PXDNL: variants seen among roughly 807,000 people sequenced by gnomAD.
PXDNL encodes probable oxidoreductase PXDNL.
PXDNL carries 145 observed loss-of-function variants against 150.8 expected under a neutral mutation model. That is an observed-to-expected ratio of 0.96 (90% CI 0.84 to 1.10). PXDNL has a LOEUF of 1.10. Ranked by LOEUF, PXDNL falls within the 50% of genes least tolerant of loss-of-function variation. The pLI, the probability that PXDNL is intolerant of heterozygous loss-of-function variation, is 0.00. For missense variants in PXDNL, 2,087 were observed against 1,873.9 expected, an observed-to-expected ratio of 1.11 and a Z score of -2.10; for synonymous variants, 757 against 725.7, an observed-to-expected ratio of 1.04 and a Z score of -0.69.
intron 1 of PXDNL, among the ~76,000 whole-genome samples, chr8:51,808,503 G>A (rs2037701770): frequency 1.3e-5 from 2 of 152,050 alleles, no homozygotes; most frequent in Non-Finnish European, 2.9e-5. Flanking sequence ...TTTATTATCT[G>A]AATATTAAAG....
At chr8:51,377,665 G>A (rs571067848) in intron 17 of PXDNL, among the ~76,000 whole-genome samples, 2 of 152,350 alleles carry the variant, frequency 1.3e-5, no homozygotes, top group East Asian at 3.9e-4. Context: ...ACCTGGGCCA[G>A]CAGCTGCGGA....
rs74676456 is a variant in PXDNL, at chr8:51,429,970, A to G, written c.1526-3212T>C. On this transcript the variant is annotated intron_variant, in intron 12 of 22. Coordinates refer to ENST00000356297, the MANE Select transcript of PXDNL (RefSeq NM_144651.5). ...ATGGCTGATTGATGCCTGACAATGCATAATGGACATCTCATGAGAACCAGG... is the reference window on the plus strand; with the variant it reads ...ATGGCTGATTGATGCCTGACAATGCGTAATGGACATCTCATGAGAACCAGG... Among the ~76,000 whole-genome samples the G allele has an allele frequency of 2.2e-4, 34 of 152,322 alleles. No individual in the cohort carries two copies. In the East Asian group the frequency reaches 6.0e-3, roughly 27 times the overall value.
At chr8:51,684,271 G>A (rs796733739) in intron 1 of PXDNL, among the ~76,000 whole-genome samples, 59 of 152,292 alleles carry the variant, frequency 3.9e-4, no homozygotes, top group African/African-American at 1.3e-3. Flanking sequence ...GTTAAGACTA[G>A]GATTTACCAG....
rs570270606 is a variant in PXDNL, at chr8:51,617,717, T to A, written c.237-25019A>T. 2.0e-5 allele frequency among the ~76,000 whole-genome samples: 3 copies of A among 152,346 alleles called. No individual in the cohort carries two copies. The South Asian group carries it at 6.2e-4, about 32-fold the overall frequency. The stretch of plus-strand genomic sequence containing the variant: ...TTTTACAAAATGTCTGTAGCAAGTA[T>A]GCATTAATTTTGCATTAAAAAAGTG... On this transcript the variant is annotated intron_variant, in intron 2 of 22. Transcript: ENST00000356297.
intron 19 of PXDNL, among the ~76,000 whole-genome samples, chr8:51,365,709 C>T (rs1213301401): frequency 1.3e-5 from 2 of 152,174 alleles, no homozygotes; most frequent in Non-Finnish European, 2.9e-5. Context: ...GAGTGATATG[C>T]TGAGACAGAA....
intron 3 of PXDNL, among the ~76,000 whole-genome samples, chr8:51,567,204 T>G (rs1812846733): frequency 6.6e-6 from 1 of 151,968 alleles, no homozygotes; most frequent in East Asian, 1.9e-4. Flanking sequence ...AATATGGTCC[T>G]TCTTGGTGAA....
intron 1 of PXDNL, among the ~76,000 whole-genome samples, chr8:51,783,554 T>TA (rs1377431646): frequency 6.6e-6 from 1 of 152,162 alleles, no homozygotes; most frequent in Non-Finnish European, 1.5e-5. Context: ...TAACACAAGA[T>TA]ACTTTGAATT....
intron 2 of PXDNL, among the ~76,000 whole-genome samples, chr8:51,633,549 ATC>A (rs1317971173): frequency 1.3e-5 from 2 of 152,088 alleles, no homozygotes; most frequent in African/African-American, 4.8e-5. Flanking sequence ...CCTTACCAGC[ATC>A]TGTTGTTTTT....
intron 1 of PXDNL, among the ~76,000 whole-genome samples, chr8:51,806,870 A>G (rs2037681433): frequency 1.3e-5 from 2 of 152,142 alleles, no homozygotes; most frequent in African/African-American, 4.8e-5. Flanking sequence ...GCTTCAGGCT[A>G]GTTGCTATTC....
Position 51,464,450 on chromosome 8 carries a change from A to C in PXDNL, c.813-6783T>G, listed in dbSNP as rs140063514. On this transcript the variant is annotated intron_variant, in intron 8 of 22. Coordinates refer to ENST00000356297, the MANE Select transcript of PXDNL (RefSeq NM_144651.5). ...CAAAAGTTGGTCATTGGAAAGGATA[A>C]AGAGGATTGCTAGAACATTGGCTAG... Among the ~76,000 whole-genome samples, 954 of 152,356 alleles carry C rather than the reference A, an allele frequency of 6.3e-3. 11 individuals carry two copies. Among genetic ancestry groups the C allele is most frequent in the African/African-American group, 0.021 (891 of 41,576 alleles).
chr8:51,362,681 T>C (rs1424526855), intron 19 of PXDNL, among the ~76,000 whole-genome samples: 1 of 152,192 alleles, frequency 6.6e-6, no homozygotes, highest in Non-Finnish European at 1.5e-5. Flanking sequence ...GAGTTGGCCC[T>C]TTAGAAGTAC....
intron 2 of PXDNL, among the ~76,000 whole-genome samples, chr8:51,598,045 T>G (rs568352770): frequency 2.7e-4 from 41 of 152,266 alleles, no homozygotes; most frequent in Admixed American, 2.5e-3. Context: ...GCTATCAGCT[T>G]GAAGGTAATT....
chr8:51,634,209 C>T (rs764587966), intron 2 of PXDNL, among the ~76,000 whole-genome samples: 2 of 152,062 alleles, frequency 1.3e-5, no homozygotes, highest in African/African-American at 4.8e-5. Flanking sequence ...AGCCAGTTAT[C>T]GCAGCACCAT....
chr8:51,581,761 T>C (rs1340392287), intron 3 of PXDNL, among the ~76,000 whole-genome samples: 2 of 152,152 alleles, frequency 1.3e-5, no homozygotes, highest in East Asian at 3.9e-4. Flanking sequence ...TTCCTTAATA[T>C]TAAATCTTTC....
intron 8 of PXDNL, among the ~76,000 whole-genome samples, chr8:51,460,704 G>A (rs920430513): frequency 1.3e-5 from 2 of 151,806 alleles, no homozygotes; most frequent in African/African-American, 4.8e-5. Context: ...ATGGACCTCT[G>A]GGATCCTAGC....
intron 1 of PXDNL, among the ~76,000 whole-genome samples, chr8:51,677,729 T>C (rs920516823): frequency 1.3e-5 from 2 of 152,248 alleles, no homozygotes; most frequent in Admixed American, 6.5e-5. Context: ...AATAGACATA[T>C]ACTACTTCAT....
At chr8:51,789,842 G>C (rs2037494344) in intron 1 of PXDNL, among the ~76,000 whole-genome samples, 1 of 151,998 alleles carries the variant, frequency 6.6e-6, no homozygotes, top group Non-Finnish European at 1.5e-5. Flanking sequence ...AAATTAAAGG[G>C]AACTTGTGTT....
chr8:51,346,443 T>A (rs1402847994), intron 19 of PXDNL, among the ~76,000 whole-genome samples: 1 of 152,188 alleles, frequency 6.6e-6, no homozygotes, highest in Non-Finnish European at 1.5e-5. Context: ...AAATTGTAAG[T>A]TTTATGTTAT....
At chr8:51,664,645 C>G (rs968786710) in intron 1 of PXDNL, among the ~76,000 whole-genome samples, 3 of 152,150 alleles carry the variant, frequency 2.0e-5, no homozygotes, top group African/African-American at 7.2e-5. Context: ...TCCTTCCTGT[C>G]TCCTACTGCT....
Sources: gnomAD v4.1 joint callset for allele counts (sites outside exome capture counted in the v4.1 genomes callset) on GRCh38, gnomAD v4.1.1 for gene constraint, MANE v1.5 for transcripts, NCBI Gene and HGNC (gene_info 2026-07-23, HGNC 2026-07-21) for gene names.